Variants in MMP2 observed in about 807,000 individuals in gnomAD.
MMP2 encodes 72 kDa type IV collagenase.
Under a neutral mutation model 74.8 loss-of-function variants are expected in MMP2, and 39 were observed. The observed-to-expected ratio is 0.52, with a 90% CI of 0.40 to 0.68. MMP2 has a LOEUF of 0.68. Ranked by LOEUF, MMP2 falls within the 30% of genes least tolerant of loss-of-function variation. MMP2 has a pLI of 0.00. For missense variants in MMP2, 803 were observed against 878.3 expected (o/e 0.91, Z 1.08); for synonymous variants, 367 against 339.8 (o/e 1.08, Z -0.88).
In MMP2 at chr16:55,486,339, GTGTGTGCC is replaced by G. The variant is rs1287522007; in HGVS notation, c.832+569_832+576del. On this transcript the variant is annotated intron_variant, in intron 5 of 12. Coordinates refer to ENST00000219070, the MANE Select transcript of MMP2 (RefSeq NM_004530.6). ...TGCTAATGCGTGTGTGTGTGTGTGT[GTGTGTGCC>G]TGTGTGTGTGTGTGTGTGTGTGTGT... is the stretch of plus-strand genomic sequence containing the variant. 4.3e-3 allele frequency among the ~76,000 whole-genome samples: 436 copies of G among 101,094 alleles called. 4 individuals are homozygous for G. The highest frequency in any genetic ancestry group is 0.014 in the African/African-American group (407 of 28,506). The allele number at this position is 101,094 out of a possible 152,430, so 66.3% of individuals were successfully genotyped here. A position where few individuals can be genotyped will look rare whatever the true frequency, so the allele number is the denominator to read the frequency against.
At chr16:55,503,758 G>A (rs987327711) in intron 12 of MMP2, among the ~76,000 whole-genome samples, 8 of 152,172 alleles carry the variant, frequency 5.3e-5, no homozygotes, top group African/African-American at 1.7e-4. Flanking sequence ...AGCAGGCAGG[G>A]GCAGACAGTG....
At chr16:55,489,316 C>A (rs1179652509) in intron 6 of MMP2, among the ~76,000 whole-genome samples, 1 of 152,220 alleles carries the variant, frequency 6.6e-6, no homozygotes, top group Non-Finnish European at 1.5e-5. Context: ...ACTCCCTTTG[C>A]CCCTAGCCCA....
intron 12 of MMP2, 23 bp downstream of exon 12, chr16:55,502,911 C>A (rs17860007): frequency 1.9e-6 from 3 of 1,591,264 alleles, no homozygotes; most frequent in Non-Finnish European, 2.6e-6. Flanking sequence ...GGACTGTCTC[C>A]GCTTTCTAGG....
At chr16:55,495,951 C>G (rs1199667493) in intron 9 of MMP2, among the ~76,000 whole-genome samples, 1 of 152,170 alleles carries the variant, frequency 6.6e-6, no homozygotes, top group African/African-American at 2.4e-5. Context: ...ACACACAGAC[C>G]CCCAGATGTG....
At chr16:55,486,424 G>A (rs1962263697) in intron 5 of MMP2, among the ~76,000 whole-genome samples, 1 of 147,118 alleles carries the variant, frequency 6.8e-6, no homozygotes, top group Non-Finnish European at 1.5e-5. Flanking sequence ...TGCCTCTCTT[G>A]GGCACTGTCT....
chr16:55,481,949 T>C (rs1282568763), intron 1 of MMP2: 3 of 646,388 alleles, frequency 4.6e-6, no homozygotes, highest in South Asian at 1.9e-5. Context: ...CATTTCCCCT[T>C]TCCTAACTAC....
At chr16:55,486,345 G>A (rs377493427) in intron 5 of MMP2, among the ~76,000 whole-genome samples, 1 of 77,774 alleles carries the variant, frequency 1.3e-5, no homozygotes, top group Non-Finnish European at 2.8e-5. Flanking sequence ...GTGTGTGTGT[G>A]CCTGTGTGTG....
Position 55,479,498 on chromosome 16 carries a change from C to A in MMP2, c.19C>A (p.Arg7=). 1 of 1,588,886 alleles carries A rather than the reference C, an allele frequency of 6.3e-7. No individual in the cohort carries two copies. Among genetic ancestry groups the A allele is most frequent in the Non-Finnish European group, 8.6e-7 (1 of 1,168,168 alleles). ...CGCTACGATGGAGGCGCTAATGGCC[C>A]GGGGCGCGCTCACGGGTCCCCTGAG... The part of the protein sequence containing the change: MEALMA[R]GALTGPLRAL... The change falls in exon 1 of 13, where the codon CGG becomes AGG. Residue 7 remains arginine, a synonymous_variant. Coordinates refer to ENST00000219070, the MANE Select transcript of MMP2 (RefSeq NM_004530.6).
At chr16:55,481,817 C>T (rs1962111212) in intron 1 of MMP2, 1 of 745,838 alleles carries the variant, frequency 1.3e-6, no homozygotes, top group Non-Finnish European at 2.5e-6. Context: ...CATCTGCAAA[C>T]TGGGAAATTT....
At chr16:55,492,874 C>T (rs1343073278) in intron 8 of MMP2, among the ~76,000 whole-genome samples, 1 of 152,122 alleles carries the variant, frequency 6.6e-6, no homozygotes, top group Non-Finnish European at 1.5e-5. Context: ...CTTTTCTGGG[C>T]CTCAGTTTCC....
chr16:55,487,608 G>A (rs926131755), intron 5 of MMP2: 1 of 152,264 alleles, frequency 6.6e-6, no homozygotes, highest in Non-Finnish European at 1.5e-5. Context: ...GGGCTGGTGA[G>A]GTCACCTCTG....
At position 55,496,907 on chromosome 16, in the gene MMP2, C is replaced by A. The variant is rs1227533810; in HGVS notation, c.1473-19C>A. 1 of 1,613,248 alleles carries A rather than the reference C, an allele frequency of 6.2e-7. No homozygotes were observed. Among genetic ancestry groups the A allele is most frequent in the Admixed American group, 1.7e-5 (1 of 60,022 alleles). ...GTGACTGAAGATGTGGTTTCCTGTG[C>A]CCCCTTGCCTCCTGCCAGGTTCATT... On this transcript the variant is annotated intron_variant, in intron 9 of 12. Coordinates refer to ENST00000219070, the MANE Select transcript of MMP2 (RefSeq NM_004530.6).
intron 1 of MMP2, among the ~76,000 whole-genome samples, chr16:55,482,618 G>C (rs1157933020): frequency 1.3e-5 from 2 of 152,112 alleles, no homozygotes; most frequent in East Asian, 3.9e-4. Flanking sequence ...ACAGAGTTTT[G>C]AGCATTAAAT....
intron 3 of MMP2, among the ~76,000 whole-genome samples, chr16:55,484,749 A>G (rs981762167): frequency 3.9e-5 from 6 of 152,218 alleles, no homozygotes; most frequent in African/African-American, 1.4e-4. Flanking sequence ...GAACACTGCC[A>G]GTAGCACAGA....
chr16:55,493,599 G>A (rs1161750528), intron 9 of MMP2, among the ~76,000 whole-genome samples: 2 of 152,294 alleles, frequency 1.3e-5, no homozygotes, highest in South Asian at 2.1e-4. Context: ...AGATGACAGG[G>A]TGCAAGAGGC....
At chr16:55,491,205 A>G (rs1272013686) in intron 7 of MMP2, among the ~76,000 whole-genome samples, 2 of 151,858 alleles carry the variant, frequency 1.3e-5, no homozygotes, top group African/African-American at 4.8e-5. Context: ...TCACATTCAC[A>G]GGTCCCTAGG....
At chr16:55,479,706 C>T (rs2142339398) in intron 1 of MMP2, 74 bp downstream of exon 1, 3 of 1,597,352 alleles carry the variant, frequency 1.9e-6, no homozygotes, top group South Asian at 1.1e-5. Flanking sequence ...GTGTCTCTCC[C>T]CCTGCCCTCG....
At chr16:55,505,086 G>T (rs1962765341) in intron 12 of MMP2, among the ~76,000 whole-genome samples, 1 of 151,872 alleles carries the variant, frequency 6.6e-6, no homozygotes, top group South Asian at 2.1e-4. Context: ...TAAGTAGCTT[G>T]GACTACAGGA....
At position 55,493,251 on chromosome 16, in the gene MMP2, G is replaced by A; in HGVS notation, c.1430G>A (p.Gly477Asp). The change falls in exon 9 of 13, where the codon GGC (glycine) becomes GAC (aspartate). Residue 477 changes from glycine (G) to aspartate (D), a missense_variant. By Grantham distance (94) the Gly-to-Asp change is moderately conservative. Coordinates refer to ENST00000219070, the MANE Select transcript of MMP2 (RefSeq NM_004530.6). ...TGCAAACAGGACATTGTATTTGATG[G>A]CATCGCTCAGATCCGTGGTGAGATC... ...EICKQDIVFD[G>D]IAQIRGEIFF... 1.9e-6 allele frequency: 3 copies of A among 1,614,190 alleles called. No individual in the cohort carries two copies. Among genetic ancestry groups the A allele is most frequent in the Non-Finnish European group, 2.5e-6 (3 of 1,180,036 alleles).
Sources: allele counts gnomAD v4.1 joint callset (sites outside exome capture counted in the v4.1 genomes callset), GRCh38; gene constraint gnomAD v4.1.1; transcripts MANE v1.5; gene names NCBI Gene and HGNC (gene_info 2026-07-23, HGNC 2026-07-21).